The following LY9 variants were observed in gnomAD, a reference collection of about 807,000 sequenced individuals.
LY9 encodes T-lymphocyte surface antigen Ly-9.
A neutral mutation model predicts 64.6 loss-of-function variants in LY9; 59 were observed. The observed-to-expected ratio is 0.91, with a 90% CI of 0.74 to 1.13. LY9 has a LOEUF of 1.13. Among genes scored for constraint, LY9 ranks in the 50% most tolerant of loss-of-function variants. The probability of loss-of-function intolerance (pLI) is 0.00; values close to 1 mark genes in which losing one functional copy is unlikely to be tolerated. For synonymous variants in LY9, 281 were observed against 308.5 expected (o/e 0.91, Z 0.93); for missense variants, 789 against 797.2 (o/e 0.99, Z 0.12).
chr1:160,813,839 T>A lies in LY9; in HGVS notation c.658T>A (p.Tyr220Asn), dbSNP rs371256148. The change falls in exon 3 of 10, where the codon TAC (tyrosine) becomes AAC (asparagine). Residue 220 changes from tyrosine to asparagine, a missense_variant. By Grantham distance (143) the Tyr-to-Asn change is moderately radical. Coordinates refer to ENST00000263285, the MANE Select transcript of LY9 (RefSeq NM_002348.4). ...SRTPCDPDLP[Y>N]ICTAQNPVSQ... ...AACACCATGTGACCCAGACCTGCCA[T>A]ACATCTGCACAGCCCAGAACCCCGT... The A allele has an allele frequency of 1.5e-5, 24 of 1,614,062 alleles. No individual in the cohort carries two copies. The highest frequency in any genetic ancestry group is 2.0e-5 in the Non-Finnish European group (24 of 1,180,044).
intron 2 of LY9, chr1:160,802,540 T>C: frequency 8.1e-6 from 8 of 985,618 alleles, no homozygotes; most frequent in Non-Finnish European, 9.6e-6. Context: ...TCAGTGTTTG[T>C]TTTTCCAAGA....
chr1:160,813,618 A>G lies in LY9; in HGVS notation c.455-18A>G, dbSNP rs370188303. 1.2e-6 allele frequency: 2 copies of G among 1,607,284 alleles called. No individual in the cohort carries two copies. The highest frequency in any genetic ancestry group is 3.3e-4 in the Middle Eastern group (2 of 6,048). ...GGCAAAAGGATCTGAGCATCTTCCC[A>G]TGCTGTTGTCCCTGCAGAGCAGCTG... On this transcript the variant is annotated intron_variant, in intron 2 of 9. Coordinates refer to ENST00000263285, the MANE Select transcript of LY9 (RefSeq NM_002348.4).
At chr1:160,823,403 A>T in intron 7 of LY9, 62 bp from the exon 8 acceptor site, 1 of 1,331,094 alleles carries the variant, frequency 7.5e-7, no homozygotes. Flanking sequence ...GGGGCCTTGC[A>T]GCAAAGCAAG....
At chr1:160,800,831 A>T (rs960842327) in intron 2 of LY9, among the ~76,000 whole-genome samples, 2 of 152,200 alleles carry the variant, frequency 1.3e-5, no homozygotes, top group Non-Finnish European at 2.9e-5. Context: ...TTCAGCTAGG[A>T]TAATGGCCTC....
intron 4 of LY9, chr1:160,815,196 T>C (rs1263956487): frequency 6.2e-6 from 1 of 162,410 alleles, no homozygotes; most frequent in Non-Finnish European, 1.4e-5. Context: ...AAAAATTAGC[T>C]GGGTTCGGTG....
intron 2 of LY9, among the ~76,000 whole-genome samples, chr1:160,809,498 C>T (rs1667299039): frequency 6.6e-6 from 1 of 151,950 alleles, no homozygotes; most frequent in African/African-American, 2.4e-5. Context: ...TGCCACCATG[C>T]CTGGCTTTAA....
intron 1 of LY9, among the ~76,000 whole-genome samples, chr1:160,797,652 A>G (rs984988311): frequency 2.0e-5 from 3 of 152,202 alleles, no homozygotes; most frequent in Admixed American, 1.3e-4. Context: ...TTTTGGTCTG[A>G]AAGGATGATG....
At chr1:160,802,144 G>A (rs1458072958) in intron 2 of LY9, 31 of 1,300,228 alleles carry the variant, frequency 2.4e-5, no homozygotes, top group East Asian at 3.2e-5. Context: ...GTGAAGAGCC[G>A]CTGACGCCCG....
chr1:160,817,969 G>A (rs1424861111), intron 5 of LY9, among the ~76,000 whole-genome samples: 4 of 152,154 alleles, frequency 2.6e-5, no homozygotes, highest in Non-Finnish European at 5.9e-5. Flanking sequence ...TCAGACACTT[G>A]AAACACTGTG....
At chr1:160,809,417 C>T (rs1362941723) in intron 2 of LY9, among the ~76,000 whole-genome samples, 5 of 151,766 alleles carry the variant, frequency 3.3e-5, no homozygotes, top group Admixed American at 6.6e-5. Flanking sequence ...GTTGTCCAGG[C>T]TAGTCGCAAA....
intron 3 of LY9, 134 bp from the exon 4 acceptor site, chr1:160,814,286 C>T: frequency 1.4e-6 from 1 of 692,226 alleles, no homozygotes; most frequent in Non-Finnish European, 2.5e-6. Flanking sequence ...GCAGGCATGC[C>T]CCTCAGAGGA....
rs754341683 is a variant in LY9, at chr1:160,799,864, T to C, written c.236T>C (p.Ile79Thr). 1.9e-6 allele frequency: 3 copies of C among 1,614,128 alleles called. No homozygotes were observed. The highest frequency in any genetic ancestry group is 2.2e-5 in the East Asian group (1 of 44,888). Residue 79 changes from isoleucine (I) to threonine (T), a missense_variant, in exon 2 of 10, where the codon ATC becomes ACC. Transcript: ENST00000263285. ...ISVDTEIENV[I>T]WIGPKNALAF... is the part of the protein sequence containing the mutation. ...GTAGACACAGAGATTGAGAACGTCA[T>C]CTGGATTGGTCCCAAAAATGCTCTT...
intron 4 of LY9, chr1:160,815,390 C>A (rs1335216516): frequency 5.3e-5 from 8 of 152,336 alleles, no homozygotes; most frequent in Admixed American, 5.2e-4. Flanking sequence ...CACCAACCTG[C>A]ATTTTTAAAT....
At chr1:160,820,978 C>T (rs1297847922) in intron 7 of LY9, among the ~76,000 whole-genome samples, 1 of 151,414 alleles carries the variant, frequency 6.6e-6, no homozygotes, top group Non-Finnish European at 1.5e-5. Context: ...CATGGTGAAA[C>T]CCCGTCTCTA....
At chr1:160,800,581 G>A (rs1227384619) in intron 2 of LY9, among the ~76,000 whole-genome samples, 1 of 151,994 alleles carries the variant, frequency 6.6e-6, no homozygotes, top group East Asian at 1.9e-4. Flanking sequence ...GGGGGTACAA[G>A]TGTAGATTTA....
chr1:160,819,849 AAGGAAGGG>A lies in LY9; in HGVS notation c.1498+479_1498+486del, dbSNP rs1360045282. The stretch of plus-strand genomic sequence containing the variant: ...AGAGAGAGAAAGAAAGGAAGGAAGG[AAGGAAGGG>A]AGGGAGGGAGGGAGGGAGGGAGGGA... On this transcript the variant is annotated intron_variant, in intron 7 of 9. Transcript: ENST00000263285. 6.9e-4 allele frequency among the ~76,000 whole-genome samples: 38 copies of A among 54,836 alleles called. No individual in the cohort carries two copies. The East Asian group carries it at 0.011, about 16-fold the overall frequency. 36.0% of individuals were successfully genotyped at this position (54,836 alleles called of 152,430 possible). A position where few individuals can be genotyped will look rare whatever the true frequency, so the allele number is the denominator to read the frequency against.
In LY9 at chr1:160,806,304, C is replaced by G. The variant is rs75064001; in HGVS notation, c.454+6222C>G. On this transcript the variant is annotated intron_variant, in intron 2 of 9. Transcript: ENST00000263285. Reference sequence around the variant, plus strand: ...GGTGGGTATCTGTAGTGACATCATTCAAGTCCTTTCTCTTCACCCTTTGTG... The same window carrying G: ...GGTGGGTATCTGTAGTGACATCATTGAAGTCCTTTCTCTTCACCCTTTGTG... Among the ~76,000 whole-genome samples the G allele has an allele frequency of 4.2e-3, 634 of 152,236 alleles. 5 individuals are homozygous for G. Among genetic ancestry groups the G allele is most frequent in the African/African-American group, 0.014 (599 of 41,554 alleles).
At chr1:160,819,641 A>T (rs896167533) in intron 7 of LY9, among the ~76,000 whole-genome samples, 2 of 151,584 alleles carry the variant, frequency 1.3e-5, no homozygotes, top group Non-Finnish European at 2.9e-5. Flanking sequence ...AATAGAAAAA[A>T]TTATCTGGGC....
intron 6 of LY9, 129 bp downstream of exon 6, chr1:160,818,448 T>C (rs1174896466): frequency 1.5e-6 from 1 of 648,734 alleles, no homozygotes; most frequent in East Asian, 2.8e-5. Context: ...CTCAGAGCAA[T>C]GGGGGAGGGG....
Sources: allele counts gnomAD v4.1 joint callset (sites outside exome capture counted in the v4.1 genomes callset), GRCh38; gene constraint gnomAD v4.1.1; transcripts MANE v1.5; gene names NCBI Gene and HGNC (gene_info 2026-07-23, HGNC 2026-07-21).